The following MDFIC variants were observed in gnomAD, a reference collection of about 807,000 sequenced individuals.
The protein encoded by MDFIC is MyoD family inhibitor domain containing.
A neutral mutation model predicts 23.2 loss-of-function variants in MDFIC; 17 were observed. The ratio of observed to expected loss-of-function variants is 0.73; its 90% confidence interval spans 0.50 to 1.10. MDFIC has a LOEUF of 1.10. Among genes scored for constraint, MDFIC ranks in the 50% least tolerant of loss-of-function variants. The pLI is 0.00. For missense variants in MDFIC, 356 were observed against 316.6 expected (o/e 1.12, Z -0.95); for synonymous variants, 120 against 115.2 (o/e 1.04, Z -0.27).
At chr7:114,931,642 C>A (rs1404633570) in intron 2 of MDFIC, among the ~76,000 whole-genome samples, 1 of 152,098 alleles carries the variant, frequency 6.6e-6, no homozygotes, top group Non-Finnish European at 1.5e-5. Flanking sequence ...AAAATAATAG[C>A]CATGTGACAG....
chr7:114,974,448 C>T (rs912775915), intron 3 of MDFIC, among the ~76,000 whole-genome samples: 2 of 152,086 alleles, frequency 1.3e-5, no homozygotes, highest in African/African-American at 4.8e-5. Flanking sequence ...CCTCCATATT[C>T]TACATTGATC....
intron 2 of MDFIC, among the ~76,000 whole-genome samples, chr7:114,933,166 T>G (rs1792356164): frequency 6.6e-6 from 1 of 152,022 alleles, no homozygotes; most frequent in South Asian, 2.1e-4. Context: ...TTTAAAACTG[T>G]GGTGCATATG....
intron 2 of MDFIC, among the ~76,000 whole-genome samples, chr7:114,927,504 C>T (rs2115683782): frequency 6.6e-6 from 1 of 151,928 alleles, no homozygotes; most frequent in African/African-American, 2.4e-5. Flanking sequence ...CTCAAAAAAG[C>T]TTATTTATTT....
At chr7:114,976,351 A>G in intron 3 of MDFIC, among the ~76,000 whole-genome samples, 1 of 152,122 alleles carries the variant, frequency 6.6e-6, no homozygotes, top group East Asian at 1.9e-4. Flanking sequence ...GGAAAAACCA[A>G]ATTAGGTTTA....
chr7:114,922,437 C>T lies in MDFIC; in HGVS notation c.-307C>T. On this transcript the variant is annotated 5_prime_UTR_variant, in exon 1 of 5. Transcript: ENST00000393486. ...GCGGAGTGCGCGGAGTCAGAGCCGC[C>T]ACCGCTGCCGCAGTTGCCGCCACTG... 8.0e-7 allele frequency: 1 copy of T among 1,242,604 alleles called. No individual in the cohort carries two copies. The highest frequency in any genetic ancestry group is 1.0e-6 in the Non-Finnish European group (1 of 989,028). 77.0% of individuals were successfully genotyped at this position (1,242,604 alleles called of 1,614,324 possible). A position where few individuals can be genotyped will look rare whatever the true frequency, so the allele number is the denominator to read the frequency against.
intron 4 of MDFIC, among the ~76,000 whole-genome samples, chr7:115,015,446 T>A (rs1026648749): frequency 1.3e-5 from 2 of 151,864 alleles, no homozygotes; most frequent in Non-Finnish European, 2.9e-5. Context: ...ATCTAATACA[T>A]GTGAACACAT....
intron 2 of MDFIC, among the ~76,000 whole-genome samples, chr7:114,939,307 G>A (rs539736986): frequency 3.9e-5 from 6 of 152,030 alleles, no homozygotes; most frequent in South Asian, 4.1e-4. Flanking sequence ...TGGGTGCTGC[G>A]GATCACAGCA....
At position 114,980,948 on chromosome 7, in the gene MDFIC, A is replaced by G. The variant is rs534356730; in HGVS notation, c.493+1167A>G. Among the ~76,000 whole-genome samples, 7 of 152,334 alleles carry G rather than the reference A, an allele frequency of 4.6e-5. No homozygotes were observed. In the South Asian group the frequency reaches 1.4e-3, roughly 32 times the overall value. On this transcript the variant is annotated intron_variant, in intron 4 of 4. Coordinates refer to ENST00000393486, the MANE Select transcript of MDFIC (RefSeq NM_001166345.3). ...GGTTGATCAAATGATATGATAATAA[A>G]TGGTCTGCATAGTTCCAGGTCAGTG... is the stretch of plus-strand genomic sequence containing the variant.
In MDFIC at chr7:114,922,103, C is replaced by T. The variant is rs567753877; in HGVS notation, c.-641C>T. ...AGCCAGGGACCTGCCCATTCACTCC[C>T]CTTTCCCAGCCCCGGGAGGGCGCAG... On this transcript the variant is annotated 5_prime_UTR_variant, in exon 1 of 5. Transcript: ENST00000393486. The T allele has an allele frequency of 2.8e-5, 8 of 288,880 alleles. No individual in the cohort carries two copies. Among genetic ancestry groups the T allele is most frequent in the Non-Finnish European group, 5.1e-5 (8 of 156,822 alleles). 17.9% of individuals were successfully genotyped at this position (288,880 alleles called of 1,614,324 possible).
At chr7:114,937,984 T>TC (rs1359963433) in intron 2 of MDFIC, among the ~76,000 whole-genome samples, 1 of 152,212 alleles carries the variant, frequency 6.6e-6, no homozygotes, top group Non-Finnish European at 1.5e-5. Flanking sequence ...AAATGGGATT[T>TC]CGCTCTTGTT....
At chr7:114,982,334 A>G (rs1793431657) in intron 4 of MDFIC, among the ~76,000 whole-genome samples, 1 of 152,130 alleles carries the variant, frequency 6.6e-6, no homozygotes, top group Non-Finnish European at 1.5e-5. Context: ...TTATAAAGCA[A>G]TAAGAATGGG....
intron 4 of MDFIC, among the ~76,000 whole-genome samples, chr7:114,981,659 G>T (rs754705422): frequency 2.0e-5 from 3 of 152,172 alleles, no homozygotes; most frequent in African/African-American, 7.2e-5. Flanking sequence ...AAATTTAAAT[G>T]TATAAACACA....
chr7:114,958,680 G>A (rs979383128), intron 3 of MDFIC, among the ~76,000 whole-genome samples: 9 of 152,152 alleles, frequency 5.9e-5, no homozygotes, highest in African/African-American at 1.7e-4. Flanking sequence ...GAACCCAGGA[G>A]GCAGAGGTTG....
Position 114,926,639 on chromosome 7 carries a change from G to A in MDFIC, c.94+3512G>A, listed in dbSNP as rs567462190. Among the ~76,000 whole-genome samples, 8 of 152,178 alleles carry A rather than the reference G, an allele frequency of 5.3e-5. No individual in the cohort carries two copies. The South Asian group carries it at 6.2e-4, about 12-fold the overall frequency. On this transcript the variant is annotated intron_variant, in intron 2 of 4. Transcript: ENST00000393486. ...GAGAGTCCTCTTGAGACTATTAGGCGGACTTTTCTTAGCAGGATGCAAAAT... is the reference window on the plus strand; with the variant it reads ...GAGAGTCCTCTTGAGACTATTAGGCAGACTTTTCTTAGCAGGATGCAAAAT...
At position 115,008,010 on chromosome 7, in the gene MDFIC, A is replaced by G. The variant is rs1015423389; in HGVS notation, c.494-7678A>G. Among the ~76,000 whole-genome samples, 19 of 151,760 alleles carry G rather than the reference A, an allele frequency of 1.3e-4. No homozygotes were observed. The East Asian group carries it at 3.7e-3, about 29-fold the overall frequency. On this transcript the variant is annotated intron_variant, in intron 4 of 4. Transcript: ENST00000393486. Reference sequence around the variant, plus strand: ...ACCGCACCCCAGCCTAACTTCCTAGACTTTGTAAAATGCATCTCTTTAGAA... The same window carrying G: ...ACCGCACCCCAGCCTAACTTCCTAGGCTTTGTAAAATGCATCTCTTTAGAA...
At chr7:114,945,297 T>A (rs1332869681) in intron 3 of MDFIC, among the ~76,000 whole-genome samples, 4 of 152,226 alleles carry the variant, frequency 2.6e-5, no homozygotes. Flanking sequence ...AGGGAGTGGC[T>A]GCTTTGGAAA....
At chr7:114,986,848 G>A (rs191311256) in intron 4 of MDFIC, among the ~76,000 whole-genome samples, 264 of 152,254 alleles carry the variant, frequency 1.7e-3, no homozygotes, top group Non-Finnish European at 2.6e-4. Context: ...CTACCTTTCT[G>A]TATTAAAATG....
At chr7:114,974,463 T>C (rs1793268739) in intron 3 of MDFIC, among the ~76,000 whole-genome samples, 1 of 152,146 alleles carries the variant, frequency 6.6e-6, no homozygotes, top group African/African-American at 2.4e-5. Context: ...TTGATCATTT[T>C]GTTACTGACA....
intron 3 of MDFIC, among the ~76,000 whole-genome samples, chr7:114,978,178 G>A (rs1170803880): frequency 6.6e-6 from 1 of 151,804 alleles, no homozygotes; most frequent in African/African-American, 2.4e-5. Flanking sequence ...GTCCAATGCT[G>A]TACTGCTTTA....
Sources: gnomAD v4.1 joint callset for allele counts (sites outside exome capture counted in the v4.1 genomes callset) on GRCh38, gnomAD v4.1.1 for gene constraint, MANE v1.5 for transcripts, NCBI Gene and HGNC (gene_info 2026-07-23, HGNC 2026-07-21) for gene names.